The following EML4 variants were observed in gnomAD, a reference collection of about 807,000 sequenced individuals.
The protein encoded by EML4 is EMAP like 4.
A neutral mutation model predicts 129.0 loss-of-function variants in EML4; 72 were observed. The observed-to-expected ratio is 0.56, with a 90% CI of 0.46 to 0.68. The LOEUF (loss-of-function observed/expected upper bound fraction) is 0.68. Among genes scored for constraint, EML4 ranks in the 30% least tolerant of loss-of-function variants. The pLI is 0.00. For synonymous variants in EML4, 532 were observed against 405.0 expected, an observed-to-expected ratio of 1.31 and a Z score of -3.77; for missense variants, 1,363 against 1,190.6, an observed-to-expected ratio of 1.14 and a Z score of -2.13.
At chr2:42,261,376 C>T in intron 4 of EML4, 82 bp downstream of exon 4, 1 of 1,279,180 alleles carries the variant, frequency 7.8e-7, no homozygotes, top group Non-Finnish European at 1.1e-6. Context: ...AGTTAGCTAT[C>T]CAAGGATTCT....
At chr2:42,200,788 C>G (rs566886601) in intron 1 of EML4, among the ~76,000 whole-genome samples, 2 of 152,206 alleles carry the variant, frequency 1.3e-5, no homozygotes, top group African/African-American at 4.8e-5. Flanking sequence ...GGCATGCCTT[C>G]TATTGAATCT....
chr2:42,329,780 TCAGTTTTACTCACAATGA>T lies in EML4; in HGVS notation c.2524_2541del (p.Phe842_Ser847del). Reference sequence around the variant, plus strand: ...GCCCACAGCAGCCATGTCACCAATGTCAGTTTTACTCACAATGACAGTCACCTGATATCAACTGGTGGA... The same window carrying T: ...GCCCACAGCAGCCATGTCACCAATGTCAGTCACCTGATATCAACTGGTGGA... On this transcript the variant is annotated inframe_deletion, in exon 23 of 23. Transcript: ENST00000318522. 1 of 1,614,124 alleles carries T rather than the reference TCAGTTTTACTCACAATGA, an allele frequency of 6.2e-7. No individual in the cohort carries two copies. Among genetic ancestry groups the T allele is most frequent in the Non-Finnish European group, 8.5e-7 (1 of 1,180,012 alleles).
intron 1 of EML4, among the ~76,000 whole-genome samples, chr2:42,236,346 C>T (rs1674673098): frequency 6.6e-6 from 1 of 152,076 alleles, no homozygotes; most frequent in African/African-American, 2.4e-5. Context: ...AGGTTGTTTC[C>T]AATTTGTTTT....
chr2:42,270,007 C>T (rs1459028487), intron 6 of EML4, among the ~76,000 whole-genome samples: 2 of 152,060 alleles, frequency 1.3e-5, no homozygotes, highest in Non-Finnish European at 2.9e-5. Context: ...TAACTCATAA[C>T]TTTGGGAGAA....
chr2:42,258,882 T>C (rs1288453575), intron 3 of EML4, among the ~76,000 whole-genome samples: 2 of 152,262 alleles, frequency 1.3e-5, no homozygotes, highest in Admixed American at 6.5e-5. Context: ...TGTACATTTA[T>C]TTAAAATGTT....
chr2:42,238,620 A>G (rs6721501), intron 1 of EML4, among the ~76,000 whole-genome samples: 2 of 111,540 alleles, frequency 1.8e-5, no homozygotes, highest in Non-Finnish European at 1.9e-5. Flanking sequence ...TTATTTTTTT[A>G]TTTTTTATTT....
intron 13 of EML4, among the ~76,000 whole-genome samples, chr2:42,297,693 T>C (rs1404274682): frequency 6.6e-6 from 1 of 152,140 alleles, no homozygotes; most frequent in Admixed American, 6.6e-5. Context: ...TTTCAGTAGA[T>C]CCAATTTACA....
rs576976087 is a variant in EML4, at chr2:42,199,788, C to T, written c.25+30152C>T. 5.3e-5 allele frequency among the ~76,000 whole-genome samples: 8 copies of T among 152,062 alleles called. No individual in the cohort carries two copies. In the South Asian group the frequency reaches 1.5e-3, roughly 28 times the overall value. On this transcript the variant is annotated intron_variant, in intron 1 of 22. Transcript: ENST00000318522. ...TGAGCGGGTAAGCAAGAGAAGGAAC[C>T]GAAGCGTCACAGAAATCCGAGGCCA...
At chr2:42,296,547 A>G (rs1667967377) in intron 13 of EML4, among the ~76,000 whole-genome samples, 1 of 152,082 alleles carries the variant, frequency 6.6e-6, no homozygotes, top group African/African-American at 2.4e-5. Flanking sequence ...ATTTATGAAT[A>G]AGGGAATCCC....
intron 1 of EML4, among the ~76,000 whole-genome samples, chr2:42,179,198 AATC>A (rs1259820307): frequency 3.3e-5 from 5 of 151,940 alleles, no homozygotes. Context: ...GCCTGAATCT[AATC>A]ATGAGGAAAT....
chr2:42,284,668 A>G lies in EML4; in HGVS notation c.976A>G (p.Thr326Ala). The change falls in exon 9 of 23, where the codon ACT becomes GCT. Residue 326 changes from threonine to alanine, a missense_variant. Transcript: ENST00000318522. ...ACATCCTGACAAAATTAGGATTGCA[A>G]CTGGACAGATAGCTGGCGTGGATAA... is the stretch of plus-strand genomic sequence containing the variant. Reference protein sequence around the residue: ...AIHPDKIRIATGQIAGVDKDG... With the variant: ...AIHPDKIRIAAGQIAGVDKDG... 6.2e-7 allele frequency: 1 copy of G among 1,613,006 alleles called. No homozygotes were observed. Among genetic ancestry groups the G allele is most frequent in the Non-Finnish European group, 8.5e-7 (1 of 1,179,476 alleles).
chr2:42,325,787 A>T (rs977470988), intron 20 of EML4, among the ~76,000 whole-genome samples: 4 of 151,352 alleles, frequency 2.6e-5, no homozygotes, highest in African/African-American at 9.7e-5. Context: ...TCACTTCTCC[A>T]AGAGTAATGA....
rs188538201 is a variant in EML4 at position 42,261,427 on chromosome 2, G to T, written c.512+133G>T. 2.3e-4 allele frequency: 161 copies of T among 687,550 alleles called. No homozygotes were observed. In the East Asian group the frequency reaches 4.0e-3, roughly 17 times the overall value. The allele number at this position is 687,550 out of a possible 1,614,324, so 42.6% of individuals were successfully genotyped here. A position where few individuals can be genotyped will look rare whatever the true frequency, so the allele number is the denominator to read the frequency against. On this transcript the variant is annotated intron_variant, in intron 4 of 22. Coordinates refer to ENST00000318522, the MANE Select transcript of EML4 (RefSeq NM_019063.5). The stretch of plus-strand genomic sequence containing the variant: ...TGGCTTTATTTTTCCCTTCTTCATT[G>T]CTTATAATTTATGCTTTATAGCCCA...
chr2:42,263,128 A>T (rs185738356), intron 4 of EML4, 50 bp from the exon 5 acceptor site: 22 of 1,480,936 alleles, frequency 1.5e-5, no homozygotes, highest in Non-Finnish European at 2.0e-5. Context: ...TGTCAGTTAC[A>T]TGTCTTTGAT....
chr2:42,294,373 C>T (rs1264229496), intron 11 of EML4, among the ~76,000 whole-genome samples: 1 of 152,184 alleles, frequency 6.6e-6, no homozygotes, highest in African/African-American at 2.4e-5. Flanking sequence ...GCCTGAAGGA[C>T]ATATCTCTAA....
At chr2:42,266,790 G>A (rs536571921) in intron 6 of EML4, among the ~76,000 whole-genome samples, 2 of 151,846 alleles carry the variant, frequency 1.3e-5, no homozygotes, top group Non-Finnish European at 2.9e-5. Flanking sequence ...GTCTCTGAGT[G>A]GTTTTCTACT....
chr2:42,290,083 T>A (rs1018851006), intron 11 of EML4, among the ~76,000 whole-genome samples: 2 of 151,694 alleles, frequency 1.3e-5, no homozygotes, highest in African/African-American at 4.8e-5. Flanking sequence ...CAAGACTTCG[T>A]CTCAAAAAAT....
Position 42,330,439 on chromosome 2 carries a change from CATT to C in EML4, c.*234_*236del. On this transcript the variant is annotated 3_prime_UTR_variant, in exon 23 of 23. Transcript: ENST00000318522. ...ACTTAATACTAGGAGAAGACTGAAT[CATT>C]AATGATGTCTCACAAATTACTGTGT... 2 of 597,632 alleles carry C rather than the reference CATT, an allele frequency of 3.3e-6. No individual in the cohort carries two copies. Among genetic ancestry groups the C allele is most frequent in the Non-Finnish European group, 6.0e-6 (2 of 330,612 alleles). 37.0% of individuals were successfully genotyped at this position (597,632 alleles called of 1,614,324 possible).
intron 1 of EML4, among the ~76,000 whole-genome samples, chr2:42,230,969 A>C (rs1364346682): frequency 6.6e-6 from 1 of 152,124 alleles, no homozygotes; most frequent in Non-Finnish European, 1.5e-5. Flanking sequence ...CAACCCTGTA[A>C]ATCTATTACT....
Sources: allele counts gnomAD v4.1 joint callset (sites outside exome capture counted in the v4.1 genomes callset), GRCh38; gene constraint gnomAD v4.1.1; transcripts MANE v1.5; gene names NCBI Gene and HGNC (gene_info 2026-07-23, HGNC 2026-07-21).